The following SNAP47 variants were observed in gnomAD, a reference collection of about 807,000 sequenced individuals.
The protein encoded by SNAP47 is synaptosome associated protein 47.
In SNAP47, 20 loss-of-function variants were observed where a neutral mutation model predicts 31.4. The ratio of observed to expected loss-of-function variants is 0.64; its 90% CI spans 0.45 to 0.93. The LOEUF (loss-of-function observed/expected upper bound fraction) is 0.93, where lower values mean the gene tolerates loss of function less well. SNAP47 is among the 40% of genes least tolerant of loss of function. SNAP47 has a pLI of 0.00. For synonymous variants in SNAP47, 194 were observed against 213.4 expected (o/e 0.91, Z 0.79); for missense variants, 492 against 528.5 (o/e 0.93, Z 0.68).
chr1:227,772,703 T>C (rs1399322293), intron 4 of SNAP47, among the ~76,000 whole-genome samples: 2 of 152,180 alleles, frequency 1.3e-5, no homozygotes, highest in Non-Finnish European at 2.9e-5. Context: ...GTTTCCTCTT[T>C]AGGTTGTGAG....
At chr1:227,765,435 T>C (rs1395447510) in intron 3 of SNAP47, among the ~76,000 whole-genome samples, 1 of 152,208 alleles carries the variant, frequency 6.6e-6, no homozygotes, top group Non-Finnish European at 1.5e-5. Flanking sequence ...GCTTGGCCTG[T>C]GCACTGTGGC....
intron 2 of SNAP47, among the ~76,000 whole-genome samples, chr1:227,749,681 T>G (rs1662214903): frequency 6.6e-6 from 1 of 152,146 alleles, no homozygotes; most frequent in Non-Finnish European, 1.5e-5. Context: ...GTGTGTTGAG[T>G]TTGCCGTCCT....
chr1:227,756,465 G>A (rs993038329), intron 2 of SNAP47, among the ~76,000 whole-genome samples: 5 of 152,216 alleles, frequency 3.3e-5, no homozygotes, highest in African/African-American at 1.2e-4. Context: ...TCACCTTTAA[G>A]AAAATCCCCT....
chr1:227,763,225 G>A lies in SNAP47; in HGVS notation c.989-3734G>A, dbSNP rs1199001516. Among the ~76,000 whole-genome samples the A allele has an allele frequency of 3.9e-5, 6 of 152,136 alleles. No homozygotes were observed. Among genetic ancestry groups the A allele is most frequent in the Non-Finnish European group, 8.8e-5 (6 of 68,042 alleles). ...TCACCTCAGCCTCCCAGAGTGCTGGGATTTCAGGCGTGAGCCTCTACCCTG... is the reference window on the plus strand; with the variant it reads ...TCACCTCAGCCTCCCAGAGTGCTGGAATTTCAGGCGTGAGCCTCTACCCTG... On this transcript the variant is annotated intron_variant, in intron 3 of 4. Transcript: ENST00000617596. The surrounding 1 kb of genome is among the most constrained non-coding windows in gnomAD (Gnocchi z 4.2).
rs868772309 is a variant in SNAP47, at chr1:227,735,466, C to A, written c.-79C>A. 7.0e-7 allele frequency: 1 copy of A among 1,436,312 alleles called. No homozygotes were observed. Among genetic ancestry groups the A allele is most frequent in the Non-Finnish European group, 9.0e-7 (1 of 1,105,818 alleles). The allele number at this position is 1,436,312 out of a possible 1,614,324, so 89.0% of individuals were successfully genotyped here. A position where few individuals can be genotyped will look rare whatever the true frequency, so the allele number is the denominator to read the frequency against. On this transcript the variant is annotated 5_prime_UTR_variant, in exon 1 of 5. Coordinates refer to ENST00000617596, the MANE Select transcript of SNAP47 (RefSeq NM_053052.4). Reference sequence around the variant, plus strand: ...CAGGCGCCGAGCGGCCGAGGCGCCGCGGTCGGCTCTGGGACTCGTCTGGCG... The same window carrying A: ...CAGGCGCCGAGCGGCCGAGGCGCCGAGGTCGGCTCTGGGACTCGTCTGGCG...
At chr1:227,733,707 A>G (rs762019248), upstream of SNAP47, 3 of 1,598,854 alleles carry the variant, frequency 1.9e-6, no homozygotes, top group Non-Finnish European at 2.5e-6. Context: ...CGCCTGGTTC[A>G]TGCCTGTAGG....
At chr1:227,732,255 TG>T, upstream of SNAP47, 1 of 1,005,674 alleles carries the variant, frequency 9.9e-7, no homozygotes, top group Non-Finnish European at 1.5e-6. Context: ...ACCCAGGCAG[TG>T]GCCATGAACA....
At chr1:227,765,517 A>G (rs1311150865) in intron 3 of SNAP47, among the ~76,000 whole-genome samples, 3 of 152,236 alleles carry the variant, frequency 2.0e-5, no homozygotes, top group Non-Finnish European at 4.4e-5. Flanking sequence ...TGGGTAATGC[A>G]CAAATTCAGA....
At chr1:227,735,412 G>C (rs763293372), upstream of SNAP47, 2 of 1,555,670 alleles carry the variant, frequency 1.3e-6, no homozygotes, top group Non-Finnish European at 1.7e-6. Flanking sequence ...CTGCACGCAT[G>C]CGCGCGGCTC....
At chr1:227,777,109 T>TAAAAA in intron 4 of SNAP47, 1 of 836,018 alleles carries the variant, frequency 1.2e-6, no homozygotes, top group Non-Finnish European at 1.4e-6. Context: ...ATGTCTTTTT[T>TAAAAA]AAAAAAAAAA....
At chr1:227,748,281 A>G in intron 2 of SNAP47, 48 bp downstream of exon 2, 2 of 1,479,724 alleles carry the variant, frequency 1.4e-6, no homozygotes, top group African/African-American at 2.8e-5. Context: ...AGTAAGATGC[A>G]CATGTGTGGA....
intron 1 of SNAP47, among the ~76,000 whole-genome samples, chr1:227,729,768 A>G (rs1268096285): frequency 1.3e-5 from 2 of 152,180 alleles, no homozygotes; most frequent in African/African-American, 4.8e-5. Context: ...CTCCACCTCC[A>G]TGGATTCCAG....
At chr1:227,746,976 A>G (rs745653437) in intron 1 of SNAP47, 9 of 152,236 alleles carry the variant, frequency 5.9e-5, no homozygotes, top group Non-Finnish European at 8.8e-5. Flanking sequence ...ATTCGTTCAA[A>G]TCTATCATCC....
chr1:227,732,657 G>A (rs764039645), upstream of SNAP47: 16 of 1,612,988 alleles, frequency 9.9e-6, no homozygotes, highest in East Asian at 8.9e-5. Flanking sequence ...GTTGATGCCC[G>A]AGCAGGACCT....
upstream of SNAP47, chr1:227,733,173 A>G (rs1660787728): frequency 1.0e-6 from 1 of 998,598 alleles, no homozygotes; most frequent in Non-Finnish European, 1.5e-6. Context: ...CTTGCTCAGC[A>G]GGGAAGTGGG....
intron 4 of SNAP47, among the ~76,000 whole-genome samples, chr1:227,775,052 C>T (rs1016298287): frequency 2.0e-5 from 3 of 152,188 alleles, no homozygotes; most frequent in Non-Finnish European, 2.9e-5. Context: ...CCCACCGCCG[C>T]GGGGGCGTCC....
chr1:227,775,046 C>T (rs1664068902), intron 4 of SNAP47, among the ~76,000 whole-genome samples: 1 of 152,244 alleles, frequency 6.6e-6, no homozygotes, highest in African/African-American at 2.4e-5. Flanking sequence ...CCTCGACCCA[C>T]CGCCGCGGGG....
intron 2 of SNAP47, among the ~76,000 whole-genome samples, chr1:227,752,926 ATTCCCAGAGCTGTTGG>A (rs1662467959): frequency 1.3e-5 from 2 of 152,212 alleles, no homozygotes; most frequent in Admixed American, 6.5e-5. Context: ...TGGCCAGCCC[ATTCCCAGAGCTGTTGG>A]TTCCCAGAGC....
At chr1:227,757,175 G>T (rs1311637001) in intron 2 of SNAP47, among the ~76,000 whole-genome samples, 8 of 152,234 alleles carry the variant, frequency 5.3e-5, no homozygotes, top group Non-Finnish European at 1.2e-4. Context: ...AGTGGAGCCA[G>T]CTTGTGTCTA....
Sources: gnomAD v4.1 joint callset for allele counts (sites outside exome capture counted in the v4.1 genomes callset) on GRCh38, gnomAD v4.1.1 for gene constraint, Gnocchi (gnomAD v3.1) non-coding constraint, MANE v1.5 for transcripts, NCBI Gene and HGNC (gene_info 2026-07-23, HGNC 2026-07-21) for gene names.